The following FLNA variants were observed in gnomAD, a reference collection of about 807,000 sequenced individuals.
The protein encoded by FLNA is filamin-A.
FLNA carries 7 observed loss-of-function variants against 157.6 expected under a neutral mutation model. The ratio of observed to expected loss-of-function variants is 0.04; its 90% CI spans 0.03 to 0.08. The LOEUF (loss-of-function observed/expected upper bound fraction) is 0.08, where lower values mean the gene tolerates loss of function less well. FLNA is among the 10% of genes least tolerant of loss of function. The pLI, the probability that FLNA is intolerant of heterozygous loss-of-function variation, is 1.00. For synonymous variants in FLNA, 1,103 were observed against 1,060.8 expected (o/e 1.04, Z -0.77); for missense variants, 1,750 against 2,398.4 (o/e 0.73, Z 5.65).
At chrX:154,362,602 G>A (rs1188610001) in intron 16 of FLNA, 24 bp from the exon 17 acceptor site, 2 of 1,209,390 alleles carry the variant, frequency 1.7e-6, no homozygotes, top group South Asian at 1.8e-5. Context: ...AGGAGCGGAG[G>A]CTGAGACCTC....
In FLNA at chrX:154,366,646, T is replaced by C. The variant is rs2148118325; in HGVS notation, c.988-7A>G. ...TATTGGCGGTCACTTTTGCCTGCAG[T>C]GGGAAGGAGCCTGTGAGCCTTTGCT... On this transcript the variant is annotated splice_polypyrimidine_tract_variant and splice_region_variant and intron_variant, in intron 6 of 47. Transcript: ENST00000369850. 1 of 1,210,280 alleles carries C rather than the reference T, an allele frequency of 8.3e-7. No homozygotes were observed. Among genetic ancestry groups the C allele is most frequent in the South Asian group, 1.8e-5 (1 of 56,989 alleles).
chrX:154,349,941 C>G, intron 45 of FLNA, 74 bp from the exon 46 acceptor site: 1 of 1,184,467 alleles, frequency 8.4e-7, no homozygotes, highest in Non-Finnish European at 1.1e-6. Flanking sequence ...ACAGGCTTGT[C>G]ACCTCCAGGT....
chrX:154,358,418 C>G, intron 27 of FLNA, 27 bp downstream of exon 27: 1 of 1,211,085 alleles, frequency 8.3e-7, no homozygotes, highest in Non-Finnish European at 1.1e-6. Flanking sequence ...GGGCCACTCC[C>G]CACAGGCAGC....
At position 154,352,855 on chromosome X, in the gene FLNA, T is replaced by C; in HGVS notation, c.6296A>G (p.Asp2099Gly). Residue 2099 changes from aspartate (D) to glycine (G), a missense_variant, in exon 39 of 48, where the codon GAC (aspartate) becomes GGC (glycine). Coordinates refer to ENST00000369850, the MANE Select transcript of FLNA (RefSeq NM_001110556.2). ...GCAGTAGGTGACCCTGCACGTCCCG[T>C]CCTCCAGGTCCTCTGTGTTGATGTC... is the stretch of plus-strand genomic sequence containing the variant. ...KVDINTEDLE[D>G]GTCRVTYCPT... is the part of the protein sequence containing the mutation. The C allele has an allele frequency of 8.3e-7, 1 of 1,211,225 alleles. No homozygotes were observed. The highest frequency in any genetic ancestry group is 1.1e-6 in the Non-Finnish European group (1 of 895,144).
Position 154,365,433 on chromosome X carries a change from C to T in FLNA, c.1483G>A (p.Val495Met), listed in dbSNP as rs782653547. The T allele has an allele frequency of 1.7e-6, 2 of 1,211,709 alleles. No individual in the cohort carries two copies. Among genetic ancestry groups the T allele is most frequent in the Admixed American group, 2.2e-5 (1 of 46,167 alleles). Residue 495 changes from valine to methionine, a missense_variant, in exon 10 of 48, where the codon GTG (valine) becomes ATG (methionine). This residue lies in a region of FLNA where 648 missense variants were observed against 805.8 expected (regional missense o/e 0.80). Coordinates refer to ENST00000369850, the MANE Select transcript of FLNA (RefSeq NM_001110556.2). ...AVGRGLQPKGVRVKETADFKV... is the reference protein window; with the variant it reads ...AVGRGLQPKGMRVKETADFKV... ...AAGTCAGCTGTCTCCTTCACCCGCA[C>T]ACCCTTGGGCTGGAGGCCCCGGCCA... is the stretch of plus-strand genomic sequence containing the variant.
chrX:154,352,964 G>A (rs368262617), intron 38 of FLNA, 37 bp downstream of exon 38: 4 of 1,209,313 alleles, frequency 3.3e-6, no homozygotes, highest in Admixed American at 2.2e-5. Context: ...GCTATGCACA[G>A]TGCTCCCGCC....
In FLNA at chrX:154,354,465, C is replaced by G; in HGVS notation, c.5332G>C (p.Val1778Leu). The G allele has an allele frequency of 8.3e-7, 1 of 1,211,391 alleles. No homozygotes were observed. Among genetic ancestry groups the G allele is most frequent in the South Asian group, 1.8e-5 (1 of 57,046 alleles). The stretch of plus-strand genomic sequence containing the variant: ...GTCACATCCAGCCCATTGACACCCA[C>G]CAGGGGCCTCTCCGGGGCCTGCAGT... Reference protein sequence around the residue: ...QQTWAPERPLVGVNGLDVTSL... With the variant: ...QQTWAPERPLLGVNGLDVTSL... The change falls in exon 33 of 48, where the codon GTG becomes CTG. Residue 1778 changes from valine to leucine, a missense_variant. By Grantham distance (32) the Val-to-Leu change is conservative (BLOSUM62 1). Around this residue, in one of 5 missense-constraint regions of FLNA, gnomAD observed 970 missense variants for 1,302.6 expected, o/e 0.74. Transcript: ENST00000369850.
At chrX:154,367,603 C>A (rs1334753949) in intron 4 of FLNA, 38 bp downstream of exon 4, 3 of 1,210,419 alleles carry the variant, frequency 2.5e-6, no homozygotes. Context: ...ACTGCCGATC[C>A]GGTCCCCTAC....
chrX:154,361,994 G>A lies in FLNA; in HGVS notation c.2811C>T (p.Tyr937=), dbSNP rs782211836. ...GTGTGGCTACCTGCTGGACAGGCGT[G>A]TACTTGACTGTGTAGGTGTTGTCAT... ...DHHDNTYTVK[Y]TPVQQGPVGV... The change falls in exon 19 of 48, where the codon TAC becomes TAT. Residue 937 remains tyrosine, a synonymous_variant. Coordinates refer to ENST00000369850, the MANE Select transcript of FLNA (RefSeq NM_001110556.2). The A allele has an allele frequency of 7.4e-6, 9 of 1,208,565 alleles. No homozygotes were observed. In the African/African-American group the frequency reaches 1.6e-4, roughly 21 times the overall value.
At chrX:154,357,707 C>A in intron 28 of FLNA, 84 bp from the exon 29 acceptor site, 5 of 889,447 alleles carry the variant, frequency 5.6e-6, no homozygotes, top group Non-Finnish European at 8.1e-6. Context: ...GTGCCCAGCG[C>A]TGCTGCTACA....
intron 21 of FLNA, 125 bp downstream of exon 21, chrX:154,361,183 A>T (rs1603361475): frequency 1.4e-5 from 9 of 656,467 alleles, no homozygotes; most frequent in Non-Finnish European, 2.0e-5. Context: ...CAAGGTTGAC[A>T]GTCTGTCTCA....
rs782650242 is a variant in FLNA at position 154,365,461 on chromosome X, C to T, written c.1455G>A (p.Ala485=). ...GQACNPSACR[A]VGRGLQPKGV... ...CCTTGGGCTGGAGGCCCCGGCCAAC[C>T]GCCCGGCAGGCACTCGGGTTACAGG... The change falls in exon 10 of 48, where the codon GCG becomes GCA. Residue 485 remains alanine, a synonymous_variant. Transcript: ENST00000369850. 1.7e-5 allele frequency: 21 copies of T among 1,210,329 alleles called. No individual in the cohort carries two copies. In the Admixed American group the frequency reaches 2.0e-4, roughly 11 times the overall value.
chrX:154,368,137 G>A (rs781844165), intron 2 of FLNA, 47 bp from the exon 3 acceptor site: 132 of 1,207,321 alleles, frequency 1.1e-4, no homozygotes, highest in Non-Finnish European at 1.4e-4. Flanking sequence ...TGTGCGGGAG[G>A]GGCCGATCCC....
In FLNA at chrX:154,361,301, C is replaced by T. The variant is rs2067709460; in HGVS notation, c.3207+7G>A. 2.5e-6 allele frequency: 3 copies of T among 1,209,732 alleles called. No individual in the cohort carries two copies. Among genetic ancestry groups the T allele is most frequent in the Middle Eastern group, 2.3e-4 (1 of 4,322 alleles). ...TCTACCCTTAGGGCCTCCCATACCC[C>T]AATTACCTTGCTAGGCTTGGTGGGG... On this transcript the variant is annotated splice_region_variant and intron_variant, in intron 21 of 47. Transcript: ENST00000369850.
intron 15 of FLNA, among the ~76,000 whole-genome samples, chrX:154,363,389 G>A (rs1452598642): frequency 3.7e-5 from 4 of 107,433 alleles, no homozygotes; most frequent in African/African-American, 1.4e-4. Context: ...TTGCACTCCA[G>A]CCTGGCAATA....
rs782334371 is a variant in FLNA, at chrX:154,362,043, C to T, written c.2762G>A (p.Arg921Gln). Residue 921 changes from arginine (R) to glutamine (Q), a missense_variant, in exon 19 of 48, where the codon CGA becomes CAA. This residue lies in a region of FLNA where 648 missense variants were observed against 805.8 expected (regional missense o/e 0.80). Coordinates refer to ENST00000369850, the MANE Select transcript of FLNA (RefSeq NM_001110556.2). ...FSGLTKGDAV[R>Q]DVDIIDHHDN... ...ATGGTGGTCGATGATGTCCACATCT[C>T]GCACTGCATCCCCCTTGGTGAGTCC... 10 of 1,208,021 alleles carry T rather than the reference C, an allele frequency of 8.3e-6. No homozygotes were observed. The highest frequency in any genetic ancestry group is 5.9e-5 in the East Asian group (2 of 33,721).
In FLNA at chrX:154,352,000, C is replaced by T. The variant is rs2067623489; in HGVS notation, c.6791G>A (p.Arg2264Gln). ...GVPAEFSIWTREAGAGGLAIA... is the reference protein window; with the variant it reads ...GVPAEFSIWTQEAGAGGLAIA... ...GGCCAGGCCTCCAGCACCAGCTTCC[C>T]GGGTCCAGATACTGAATTCGGCTGT... Residue 2264 changes from arginine (R) to glutamine (Q), a missense_variant, in exon 42 of 48, where the codon CGG (arginine) becomes CAG (glutamine). Arg to Gln is a conservative substitution (Grantham distance 43, BLOSUM62 1). Transcript: ENST00000369850. The T allele has an allele frequency of 8.3e-7, 1 of 1,211,672 alleles. No individual in the cohort carries two copies. Among genetic ancestry groups the T allele is most frequent in the Non-Finnish European group, 1.1e-6 (1 of 895,556 alleles).
In FLNA at chrX:154,360,387, G is replaced by A. The variant is rs2067696212; in HGVS notation, c.3408C>T (p.Ile1136=). The change falls in exon 22 of 48, where the codon ATC becomes ATT. Residue 1136 remains isoleucine, a synonymous_variant. Transcript: ENST00000369850. ...TGTGGGTGTCAGCGAAGAGGATGTT[G>A]ATGTTGTAGTCCCCGGGCTCGGTGG... ...YVPTEPGDYN[I]NILFADTHIP... 1.7e-6 allele frequency: 2 copies of A among 1,210,575 alleles called. No individual in the cohort carries two copies. Among genetic ancestry groups the A allele is most frequent in the African/African-American group, 3.5e-5 (2 of 57,593 alleles).
chrX:154,370,752 G>T (rs2067799879), intron 2 of FLNA, 121 bp downstream of exon 2: 1 of 777,204 alleles, frequency 1.3e-6, no homozygotes, highest in South Asian at 2.5e-5. Context: ...AGAGCAGCCG[G>T]AGGCCTCGGG....
Sources: gnomAD v4.1 joint callset for allele counts (sites outside exome capture counted in the v4.1 genomes callset) on GRCh38, gnomAD v4.1.1 for gene constraint, gnomAD v4.1.1 regional missense constraint, MANE v1.5 for transcripts, NCBI Gene and HGNC (gene_info 2026-07-23, HGNC 2026-07-21) for gene names.